Variants in SLC35F1 observed in about 807,000 individuals in gnomAD.
SLC35F1 encodes the protein chromosome 6 open reading frame 169.
Under a neutral mutation model 48.7 loss-of-function variants are expected in SLC35F1, and 14 were observed. The ratio of observed to expected loss-of-function variants is 0.29; its 90% CI spans 0.19 to 0.45. The LOEUF is 0.45. Ranked by LOEUF, SLC35F1 falls within the 20% of genes least tolerant of loss-of-function variation. SLC35F1 has a pLI of 1.00. For missense variants in SLC35F1, 404 were observed against 500.0 expected (o/e 0.81, Z 1.83); for synonymous variants, 190 against 202.2 (o/e 0.94, Z 0.51).
intron 1 of SLC35F1, among the ~76,000 whole-genome samples, chr6:118,142,949 T>G (rs1773914444): frequency 6.6e-6 from 1 of 152,148 alleles, no homozygotes; most frequent in Non-Finnish European, 1.5e-5. Context: ...ACTCTCCTAC[T>G]TATTTATCCA....
At chr6:118,130,022 A>C (rs75494435) in intron 1 of SLC35F1, among the ~76,000 whole-genome samples, 2,596 of 152,266 alleles carry the variant, frequency 0.017, 79 homozygotes, top group African/African-American at 0.059. Context: ...ATGGCTTCTA[A>C]ACTACATAAT....
At chr6:118,256,754 C>T (rs937142320) in intron 3 of SLC35F1, among the ~76,000 whole-genome samples, 6 of 152,068 alleles carry the variant, frequency 3.9e-5, no homozygotes, top group African/African-American at 1.4e-4. Flanking sequence ...TGCTCCTGGA[C>T]TTATGATGGT....
At chr6:117,947,201 G>A (rs569989015) in intron 1 of SLC35F1, among the ~76,000 whole-genome samples, 4 of 152,292 alleles carry the variant, frequency 2.6e-5, no homozygotes. Context: ...GAACAAGCTA[G>A]TTAGATATCT....
In SLC35F1 at chr6:117,978,923, A is replaced by C. The variant is rs75972799; in HGVS notation, c.173+71024A>C. Among the ~76,000 whole-genome samples, 188 of 152,250 alleles carry C rather than the reference A, an allele frequency of 1.2e-3. 3 individuals carry two copies. The East Asian group carries it at 0.033, about 27-fold the overall frequency. On this transcript the variant is annotated intron_variant, in intron 1 of 7. Transcript: ENST00000360388. ...CAACCCTGCCCTCATCCTGTGGCTC[A>C]TTTCATGGCTCTTGTTACTTTCCTT...
At chr6:118,063,250 T>C (rs937732895) in intron 1 of SLC35F1, among the ~76,000 whole-genome samples, 1 of 152,200 alleles carries the variant, frequency 6.6e-6, no homozygotes, top group African/African-American at 2.4e-5. Context: ...GTAAGATTCA[T>C]CACTTCATTA....
chr6:118,141,799 T>A (rs1773894126), intron 1 of SLC35F1, among the ~76,000 whole-genome samples: 1 of 152,106 alleles, frequency 6.6e-6, no homozygotes, highest in Non-Finnish European at 1.5e-5. Flanking sequence ...TTGTAAATGG[T>A]TTCATCTGGA....
intron 1 of SLC35F1, among the ~76,000 whole-genome samples, chr6:118,137,946 G>A (rs1357784462): frequency 6.6e-6 from 1 of 152,056 alleles, no homozygotes; most frequent in African/African-American, 2.4e-5. Flanking sequence ...GGATACTTCT[G>A]GGAGCATTTG....
chr6:118,150,277 C>T (rs1774036433), intron 1 of SLC35F1, among the ~76,000 whole-genome samples: 1 of 152,100 alleles, frequency 6.6e-6, no homozygotes. Context: ...TAATCGGCTC[C>T]ATTTTGTACT....
chr6:118,206,248 A>T (rs1335189488), intron 2 of SLC35F1, among the ~76,000 whole-genome samples: 1 of 152,188 alleles, frequency 6.6e-6, no homozygotes, highest in Non-Finnish European at 1.5e-5. Flanking sequence ...TATATAGCTG[A>T]TGGTCTGGTT....
intron 1 of SLC35F1, among the ~76,000 whole-genome samples, chr6:117,977,926 G>A (rs1428096230): frequency 6.6e-6 from 1 of 152,080 alleles, no homozygotes; most frequent in East Asian, 1.9e-4. Context: ...GAAACAAGCA[G>A]TTGGAATAAT....
At chr6:118,219,872 C>T (rs1321188083) in intron 2 of SLC35F1, among the ~76,000 whole-genome samples, 1 of 152,154 alleles carries the variant, frequency 6.6e-6, no homozygotes, top group Non-Finnish European at 1.5e-5. Context: ...TTTGTAGGGA[C>T]ATGGATGGAG....
chr6:117,925,300 T>G (rs1361650230), intron 1 of SLC35F1, among the ~76,000 whole-genome samples: 1 of 152,018 alleles, frequency 6.6e-6, no homozygotes, highest in Non-Finnish European at 1.5e-5. Context: ...TGCATTTAGA[T>G]GGGGGAGGAG....
intron 1 of SLC35F1, among the ~76,000 whole-genome samples, chr6:118,111,751 T>C (rs912735715): frequency 6.6e-6 from 1 of 152,200 alleles, no homozygotes; most frequent in African/African-American, 2.4e-5. Context: ...AGAAACAATA[T>C]ATTGGGTGAT....
chr6:118,010,515 AT>A (rs1313188229), intron 1 of SLC35F1, among the ~76,000 whole-genome samples: 3 of 152,158 alleles, frequency 2.0e-5, no homozygotes, highest in Admixed American at 1.3e-4. Context: ...ATTCTTGGTA[AT>A]TTTTGACCCT....
intron 1 of SLC35F1, among the ~76,000 whole-genome samples, chr6:118,001,768 AC>A (rs1389632664): frequency 3.3e-5 from 5 of 152,002 alleles, no homozygotes; most frequent in African/African-American, 1.2e-4. Flanking sequence ...AAAACAAACA[AC>A]CCCATCAAAA....
At chr6:118,048,514 G>C (rs934233076) in intron 1 of SLC35F1, among the ~76,000 whole-genome samples, 9 of 152,138 alleles carry the variant, frequency 5.9e-5, no homozygotes, top group Admixed American at 1.3e-4. Flanking sequence ...CTTCAGCAAA[G>C]TCGTAGGATA....
intron 1 of SLC35F1, among the ~76,000 whole-genome samples, chr6:118,020,225 A>C (rs1011609849): frequency 6.6e-6 from 1 of 152,200 alleles, no homozygotes; most frequent in Non-Finnish European, 1.5e-5. Context: ...CAATGAAAAC[A>C]GACATGATAT....
At chr6:118,126,873 G>A (rs2114413037) in intron 1 of SLC35F1, among the ~76,000 whole-genome samples, 1 of 152,026 alleles carries the variant, frequency 6.6e-6, no homozygotes, top group African/African-American at 2.4e-5. Flanking sequence ...AGCTTAAGGA[G>A]ATTTTGGGCT....
chr6:118,074,113 A>C (rs1772783315), intron 1 of SLC35F1, among the ~76,000 whole-genome samples: 1 of 152,186 alleles, frequency 6.6e-6, no homozygotes, highest in Non-Finnish European at 1.5e-5. Flanking sequence ...GGGAAGAAAC[A>C]TTGCATTAAA....
Sources: allele counts gnomAD v4.1 joint callset (sites outside exome capture counted in the v4.1 genomes callset), GRCh38; gene constraint gnomAD v4.1.1; transcripts MANE v1.5; gene names NCBI Gene and HGNC (gene_info 2026-07-23, HGNC 2026-07-21).